Variants in SDK1 observed in about 807,000 individuals in gnomAD.
The protein encoded by SDK1 is protein sidekick-1.
A neutral mutation model predicts 245.5 loss-of-function variants in SDK1; 157 were observed. The observed-to-expected ratio is 0.64, with a 90% CI of 0.56 to 0.73. The LOEUF is 0.73. Among genes scored for constraint, SDK1 ranks in the 30% least tolerant of loss-of-function variants. The pLI is 0.00. For missense variants in SDK1, 3,583 were observed against 3,002.3 expected, an observed-to-expected ratio of 1.19 and a Z score of -4.52; for synonymous variants, 1,647 against 1,278.5, an observed-to-expected ratio of 1.29 and a Z score of -6.15.
Position 4,266,879 on chromosome 7 carries a change from C to T in SDK1, c.*1495C>T, listed in dbSNP as rs531850132. On this transcript the variant is annotated 3_prime_UTR_variant, in exon 45 of 45. Coordinates refer to ENST00000404826, the MANE Select transcript of SDK1 (RefSeq NM_152744.4). ...CACCCTGTCAGTGCCCCCCAGTGCA[C>T]GGCAAACGGGCAGGTGCCGTTCCCC... 1.5e-4 allele frequency: 152 copies of T among 985,552 alleles called. 2 individuals are homozygous for T. In the South Asian group the frequency reaches 5.2e-3, roughly 34 times the overall value. The allele number at this position is 985,552 out of a possible 1,614,324, so 61.1% of individuals were successfully genotyped here.
intron 1 of SDK1, among the ~76,000 whole-genome samples, chr7:3,598,083 A>G (rs1001247568): frequency 3.9e-5 from 6 of 152,132 alleles, no homozygotes; most frequent in African/African-American, 9.7e-5. Flanking sequence ...TGCTACACCT[A>G]TTTGCCTACA....
intron 5 of SDK1, among the ~76,000 whole-genome samples, chr7:3,918,322 G>A (rs1779457227): frequency 6.6e-6 from 1 of 152,232 alleles, no homozygotes; most frequent in Non-Finnish European, 1.5e-5. Flanking sequence ...TGTATTTACA[G>A]CTGCTCCCAT....
chr7:3,406,477 C>T (rs1408511144), intron 1 of SDK1, among the ~76,000 whole-genome samples: 1 of 152,192 alleles, frequency 6.6e-6, no homozygotes. Flanking sequence ...AGAACAGGCA[C>T]TCTGGTCGGA....
chr7:4,250,783 A>T (rs1181885729), intron 44 of SDK1, among the ~76,000 whole-genome samples: 1 of 152,252 alleles, frequency 6.6e-6, no homozygotes, highest in African/African-American at 2.4e-5. Context: ...TTTTTAAAAA[A>T]TGCTTTATTG....
chr7:3,950,889 A>G, intron 5 of SDK1, 34 bp from the exon 6 acceptor site: 1 of 1,553,198 alleles, frequency 6.4e-7, no homozygotes, highest in South Asian at 1.1e-5. Context: ...CTGTACTTAG[A>G]GTTTCATGGA....
At chr7:3,845,890 T>C (rs1780266016) in intron 5 of SDK1, among the ~76,000 whole-genome samples, 1 of 152,234 alleles carries the variant, frequency 6.6e-6, no homozygotes, top group African/African-American at 2.4e-5. Context: ...CTGTGGTTTC[T>C]AGAATAAATT....
intron 1 of SDK1, among the ~76,000 whole-genome samples, chr7:3,389,066 G>C (rs1421794465): frequency 6.6e-6 from 1 of 152,204 alleles, no homozygotes; most frequent in Non-Finnish European, 1.5e-5. Context: ...GACATTTTAA[G>C]TAAAAGCTGA....
intron 1 of SDK1, among the ~76,000 whole-genome samples, chr7:3,504,440 C>G (rs980277717): frequency 2.0e-5 from 3 of 151,964 alleles, no homozygotes; most frequent in Admixed American, 6.6e-5. Flanking sequence ...AATCAAGATG[C>G]TGTGGTACTG....
At chr7:3,491,232 C>T (rs1229370799) in intron 1 of SDK1, among the ~76,000 whole-genome samples, 1 of 152,198 alleles carries the variant, frequency 6.6e-6, no homozygotes, top group African/African-American at 2.4e-5. Flanking sequence ...TGCTGAGGAG[C>T]CCATCGTTCC....
In SDK1 at chr7:3,534,385, CT is replaced by C. The variant is rs559781945; in HGVS notation, c.299-84692del. Among the ~76,000 whole-genome samples, 153 of 152,238 alleles carry C rather than the reference CT, an allele frequency of 1.0e-3. 1 individual carries two copies. The highest frequency in any genetic ancestry group is 3.4e-3 in the African/African-American group (142 of 41,542). On this transcript the variant is annotated intron_variant, in intron 1 of 44. Coordinates refer to ENST00000404826, the MANE Select transcript of SDK1 (RefSeq NM_152744.4). Reference sequence around the variant, plus strand: ...AGATGTCTCTTTGACTTCTCAGTTCCTTTGGGTACATATCTGGAAGTGAGAT... The same window carrying C: ...AGATGTCTCTTTGACTTCTCAGTTCCTTGGGTACATATCTGGAAGTGAGAT...
At chr7:4,068,822 A>G (rs1240927278) in intron 20 of SDK1, among the ~76,000 whole-genome samples, 2 of 151,968 alleles carry the variant, frequency 1.3e-5, no homozygotes, top group Non-Finnish European at 2.9e-5. Flanking sequence ...CCCGGGTTCA[A>G]GCAGTTTTCC....
At chr7:4,156,322 A>AG (rs1780733483) in intron 30 of SDK1, among the ~76,000 whole-genome samples, 1 of 152,168 alleles carries the variant, frequency 6.6e-6, no homozygotes. Flanking sequence ...CCAGGAACAG[A>AG]GGGGAAATTG....
intron 7 of SDK1, among the ~76,000 whole-genome samples, chr7:3,953,457 C>T (rs1320340949): frequency 2.6e-5 from 4 of 152,296 alleles, no homozygotes; most frequent in Middle Eastern, 3.4e-3. Flanking sequence ...TCCATGCTTC[C>T]GCTACAGATG....
intron 1 of SDK1, among the ~76,000 whole-genome samples, chr7:3,362,009 C>A (rs909895822): frequency 3.9e-5 from 6 of 152,138 alleles, no homozygotes; most frequent in African/African-American, 1.4e-4. Context: ...AAAACTCTCA[C>A]AACTAAAGGA....
chr7:3,405,342 A>G (rs1779021826), intron 1 of SDK1, among the ~76,000 whole-genome samples: 1 of 152,194 alleles, frequency 6.6e-6, no homozygotes, highest in South Asian at 2.1e-4. Context: ...CAGAAGATTC[A>G]GAGCCTTATC....
At chr7:3,936,621 A>G (rs1156784500) in intron 5 of SDK1, among the ~76,000 whole-genome samples, 2 of 152,058 alleles carry the variant, frequency 1.3e-5, no homozygotes, top group African/African-American at 4.8e-5. Flanking sequence ...TATAGTGGTG[A>G]TGGCTACATC....
At chr7:3,764,776 A>G (rs1006781148) in intron 4 of SDK1, among the ~76,000 whole-genome samples, 1 of 152,224 alleles carries the variant, frequency 6.6e-6, no homozygotes, top group African/African-American at 2.4e-5. Flanking sequence ...AAGGAGACAT[A>G]AAAGTAATTC....
intron 1 of SDK1, among the ~76,000 whole-genome samples, chr7:3,435,164 ATT>A (rs67660025): frequency 0.39 from 57,853 of 146,770 alleles, 12,368 homozygotes; most frequent in South Asian, 0.49. Context: ...AAGTCTCTGT[ATT>A]TTTTTTTTTG....
In SDK1 at chr7:3,785,704, T is replaced by TA. The variant is rs753617808; in HGVS notation, c.714-35737dup. Among the ~76,000 whole-genome samples, 27 of 151,510 alleles carry TA rather than the reference T, an allele frequency of 1.8e-4. 1 individual carries two copies. The highest frequency in any genetic ancestry group is 2.6e-4 in the Admixed American group (4 of 15,198). ...TACTTAGTAAATTTAGGCATTTATT[T>TA]AAAAAAAAATACACTTGCTCATGAT... On this transcript the variant is annotated intron_variant, in intron 4 of 44. Transcript: ENST00000404826.
Sources: gnomAD v4.1 joint callset for allele counts (sites outside exome capture counted in the v4.1 genomes callset) on GRCh38, gnomAD v4.1.1 for gene constraint, MANE v1.5 for transcripts, NCBI Gene and HGNC (gene_info 2026-07-23, HGNC 2026-07-21) for gene names.